The following JARID2 variants were observed in gnomAD, a reference collection of about 807,000 sequenced individuals.
JARID2 encodes protein Jumonji.
A neutral mutation model predicts 125.6 loss-of-function variants in JARID2; 21 were observed. That is an observed-to-expected ratio of 0.17 (90% confidence interval 0.12 to 0.24). The LOEUF (loss-of-function observed/expected upper bound fraction) is 0.24. Among genes scored for constraint, JARID2 ranks in the 10% least tolerant of loss-of-function variants. The pLI, the probability that JARID2 is intolerant of heterozygous loss-of-function variation, is 1.00. For missense variants in JARID2, 1,303 were observed against 1,639.6 expected, an observed-to-expected ratio of 0.79 and a Z score of 3.55; for synonymous variants, 736 against 661.6, an observed-to-expected ratio of 1.11 and a Z score of -1.73.
chr6:15,269,572 A>AT (rs35174256), intron 1 of JARID2, among the ~76,000 whole-genome samples: 2,146 of 135,624 alleles, frequency 0.016, 54 homozygotes, highest in Admixed American at 0.061. Flanking sequence ...CTATTTTAAA[A>AT]TTTTTTTTTT....
chr6:15,300,722 T>TGAGAGAGA (rs57766040), intron 1 of JARID2, among the ~76,000 whole-genome samples: 3 of 111,118 alleles, frequency 2.7e-5, no homozygotes, highest in Non-Finnish European at 5.5e-5. Context: ...TGTGTGTGTG[T>TGAGAGAGA]GAGAGAGAGA....
chr6:15,370,826 A>C (rs944155214), intron 1 of JARID2, among the ~76,000 whole-genome samples: 1 of 152,174 alleles, frequency 6.6e-6, no homozygotes, highest in Non-Finnish European at 1.5e-5. Flanking sequence ...GAGGATTATA[A>C]GGTAAGGATG....
At chr6:15,497,408 TC>T (rs1318853891) in intron 7 of JARID2, among the ~76,000 whole-genome samples, 1 of 152,114 alleles carries the variant, frequency 6.6e-6, no homozygotes, top group African/African-American at 2.4e-5. Flanking sequence ...ACGCTTGTAA[TC>T]CCAGCACTTT....
chr6:15,326,662 T>C (rs893781749), intron 1 of JARID2, among the ~76,000 whole-genome samples: 11 of 152,122 alleles, frequency 7.2e-5, no homozygotes, highest in Admixed American at 2.6e-4. Context: ...CCACTGCACA[T>C]GGATAATTTT....
intron 1 of JARID2, among the ~76,000 whole-genome samples, chr6:15,263,070 G>GTGTT (rs925793028): frequency 8.5e-6 from 1 of 118,248 alleles, no homozygotes; most frequent in East Asian, 2.3e-4. Context: ...TGGAGGGTGT[G>GTGTT]TGTTTGTGTG....
At chr6:15,405,179 G>C (rs1765598900) in intron 2 of JARID2, among the ~76,000 whole-genome samples, 1 of 152,236 alleles carries the variant, frequency 6.6e-6, no homozygotes, top group Admixed American at 6.5e-5. Flanking sequence ...CAGTTACCAA[G>C]AACAACAGGA....
intron 3 of JARID2, among the ~76,000 whole-genome samples, chr6:15,424,133 C>CTTTTT (rs66481311): frequency 2.8e-5 from 4 of 141,188 alleles, no homozygotes; most frequent in Middle Eastern, 3.7e-3. Context: ...CTGGCTGCCT[C>CTTTTT]TTTTTTTTTT....
At chr6:15,348,903 T>C (rs938418035) in intron 1 of JARID2, among the ~76,000 whole-genome samples, 18 of 152,154 alleles carry the variant, frequency 1.2e-4, no homozygotes, top group Admixed American at 2.6e-4. Context: ...GGAAAAGAAA[T>C]ACTTACTTCA....
chr6:15,427,896 T>A (rs989211224), intron 3 of JARID2, among the ~76,000 whole-genome samples: 59 of 151,992 alleles, frequency 3.9e-4, no homozygotes. Flanking sequence ...TTTTTTTTTT[T>A]AATGCAGAGT....
Position 15,283,633 on chromosome 6 carries a change from T to C in JARID2, c.45+37049T>C, listed in dbSNP as rs561369895. Among the ~76,000 whole-genome samples, 104 of 142,906 alleles carry C rather than the reference T, an allele frequency of 7.3e-4. 1 individual carries two copies. The highest frequency in any genetic ancestry group is 3.6e-3 in the East Asian group (16 of 4,470). 93.8% of individuals were successfully genotyped at this position (142,906 alleles called of 152,430 possible). On this transcript the variant is annotated intron_variant, in intron 1 of 17. Transcript: ENST00000341776. ...CTGGGATTACAGGCGTGAGCCACCG[T>C]GCCCGGCCATTCTGATATTTATTAA...
chr6:15,444,626 T>C (rs1561866716), intron 3 of JARID2, among the ~76,000 whole-genome samples: 1 of 151,964 alleles, frequency 6.6e-6, no homozygotes, highest in Non-Finnish European at 1.5e-5. Context: ...TTTTTTTTTT[T>C]TGAATAGGCC....
chr6:15,410,948 T>G (rs1466526183), intron 3 of JARID2, among the ~76,000 whole-genome samples: 1 of 152,174 alleles, frequency 6.6e-6, no homozygotes, highest in Non-Finnish European at 1.5e-5. Flanking sequence ...TTTAGTAGTT[T>G]GATAACAGTT....
At chr6:15,304,801 G>A (rs1761762402) in intron 1 of JARID2, among the ~76,000 whole-genome samples, 1 of 152,074 alleles carries the variant, frequency 6.6e-6, no homozygotes, top group Non-Finnish European at 1.5e-5. Flanking sequence ...GTTTTTCCTG[G>A]GAGTCCATGG....
intron 1 of JARID2, among the ~76,000 whole-genome samples, chr6:15,271,164 G>C (rs1760282639): frequency 6.6e-6 from 1 of 152,136 alleles, no homozygotes; most frequent in Admixed American, 6.5e-5. Context: ...TTGTCCGATT[G>C]GAGATTGTTT....
chr6:15,497,807 A>G (rs1393324196), intron 7 of JARID2, among the ~76,000 whole-genome samples: 4 of 152,112 alleles, frequency 2.6e-5, no homozygotes, highest in Non-Finnish European at 5.9e-5. Context: ...TCTGGATTCC[A>G]CACTGGATTA....
At chr6:15,396,156 T>C (rs1382770698) in intron 2 of JARID2, among the ~76,000 whole-genome samples, 1 of 152,268 alleles carries the variant, frequency 6.6e-6, no homozygotes, top group Non-Finnish European at 1.5e-5. Flanking sequence ...CCGGATCACC[T>C]TCAAATATGT....
intron 1 of JARID2, among the ~76,000 whole-genome samples, chr6:15,332,104 G>A (rs1007790407): frequency 1.3e-5 from 2 of 151,944 alleles, no homozygotes; most frequent in East Asian, 1.9e-4. Flanking sequence ...GTTGCTCTTC[G>A]CCATATGTCA....
chr6:15,466,103 C>G (rs1346244758), intron 4 of JARID2, among the ~76,000 whole-genome samples: 1 of 152,168 alleles, frequency 6.6e-6, no homozygotes, highest in African/African-American at 2.4e-5. Flanking sequence ...CACGCCCAGC[C>G]TTATTGCTGT....
At chr6:15,265,945 A>G (rs1760068088) in intron 1 of JARID2, among the ~76,000 whole-genome samples, 1 of 152,154 alleles carries the variant, frequency 6.6e-6, no homozygotes, top group African/African-American at 2.4e-5. Context: ...AGTGGAGCTC[A>G]TCAGGTCTCC....
Sources: gnomAD v4.1 joint callset for allele counts (sites outside exome capture counted in the v4.1 genomes callset) on GRCh38, gnomAD v4.1.1 for gene constraint, MANE v1.5 for transcripts, NCBI Gene and HGNC (gene_info 2026-07-23, HGNC 2026-07-21) for gene names.